Variants in ERICH3 observed in about 807,000 individuals in gnomAD.
ERICH3 encodes glutamate rich 3.
Under a neutral mutation model 131.1 loss-of-function variants are expected in ERICH3, and 126 were observed. The ratio of observed to expected loss-of-function variants is 0.96; its 90% CI spans 0.83 to 1.11. ERICH3 has a LOEUF of 1.11. ERICH3 is among the 50% of genes most tolerant of loss of function. ERICH3 has a pLI of 0.00. For synonymous variants in ERICH3, 695 were observed against 644.6 expected, an observed-to-expected ratio of 1.08 and a Z score of -1.18; for missense variants, 2,050 against 1,810.7, an observed-to-expected ratio of 1.13 and a Z score of -2.40.
chr1:74,668,028 C>T (rs896579708), intron 1 of ERICH3, among the ~76,000 whole-genome samples: 1 of 152,138 alleles, frequency 6.6e-6, no homozygotes, highest in Non-Finnish European at 1.5e-5. Context: ...TCCTTGCTTC[C>T]CCTTCACCTT....
rs762638364 is a variant in ERICH3 at position 74,571,612 on chromosome 1, G to T, written c.4098C>A (p.Ala1366=). ...CTTTATTTGCTATTGTTTTCTCCTCGGCTGTCTCCGAACCTGCCAACACCT... is the reference window on the plus strand; with the variant it reads ...CTTTATTTGCTATTGTTTTCTCCTCTGCTGTCTCCGAACCTGCCAACACCT... ...EREVLAGSET[A]EEKTIANKAS... is the part of the protein sequence containing the mutation. The change falls in exon 14 of 15, where the codon GCC becomes GCA. Residue 1366 remains alanine, a synonymous_variant. Coordinates refer to ENST00000326665, the MANE Select transcript of ERICH3 (RefSeq NM_001002912.5). The T allele has an allele frequency of 4.3e-5, 69 of 1,613,834 alleles. No individual in the cohort carries two copies. The highest frequency in any genetic ancestry group is 5.7e-5 in the Non-Finnish European group (67 of 1,179,984).
rs536744300 is a variant in ERICH3, at chr1:74,605,799, T to A, written c.1489+802A>T. Among the ~76,000 whole-genome samples, 56 of 151,920 alleles carry A rather than the reference T, an allele frequency of 3.7e-4. No individual in the cohort carries two copies. In the Middle Eastern group the frequency reaches 0.01, roughly 28 times the overall value. On this transcript the variant is annotated intron_variant, in intron 10 of 14. Coordinates refer to ENST00000326665, the MANE Select transcript of ERICH3 (RefSeq NM_001002912.5). ...ACAGATATCATAATAATGAAAAAGT[T>A]AGAAATATTGAGAAAATTTGAAACA...
At chr1:74,604,074 T>C (rs1287917648) in intron 10 of ERICH3, among the ~76,000 whole-genome samples, 3 of 151,970 alleles carry the variant, frequency 2.0e-5, no homozygotes, top group African/African-American at 4.8e-5. Flanking sequence ...CTGCCACTCC[T>C]TTATCAACTA....
At chr1:74,638,100 T>C (rs1466161093) in intron 5 of ERICH3, among the ~76,000 whole-genome samples, 2 of 152,110 alleles carry the variant, frequency 1.3e-5, no homozygotes, top group African/African-American at 4.8e-5. Context: ...TAAAGAATGG[T>C]GAACAACAAA....
intron 12 of ERICH3, among the ~76,000 whole-genome samples, chr1:74,581,467 G>A (rs902454948): frequency 1.3e-5 from 2 of 152,038 alleles, no homozygotes; most frequent in African/African-American, 4.8e-5. Flanking sequence ...ACTAATAATT[G>A]CAATTAATTA....
Position 74,611,017 on chromosome 1 carries a change from G to A in ERICH3, c.1187+1606C>T, listed in dbSNP as rs141541539. On this transcript the variant is annotated intron_variant, in intron 9 of 14. Coordinates refer to ENST00000326665, the MANE Select transcript of ERICH3 (RefSeq NM_001002912.5). ...ACCTCCCTCACCTTTTAAATGGAGTGACACTCATCACTCAGACATCTTCTC... is the reference window on the plus strand; with the variant it reads ...ACCTCCCTCACCTTTTAAATGGAGTAACACTCATCACTCAGACATCTTCTC... 6.6e-3 allele frequency among the ~76,000 whole-genome samples: 1,005 copies of A among 152,136 alleles called. 7 individuals carry two copies. The highest frequency in any genetic ancestry group is 0.027 in the Middle Eastern group (8 of 294).
intron 10 of ERICH3, among the ~76,000 whole-genome samples, chr1:74,604,637 C>T (rs190761762): frequency 1.3e-5 from 2 of 152,070 alleles, no homozygotes; most frequent in East Asian, 1.9e-4. Flanking sequence ...ACATCTTCAT[C>T]AAAGTTCTTG....
At position 74,573,201 on chromosome 1, in the gene ERICH3, T is replaced by G. The variant is rs1201876400; in HGVS notation, c.2509A>C (p.Arg837=). 1 of 1,612,582 alleles carries G rather than the reference T, an allele frequency of 6.2e-7. No homozygotes were observed. The change falls in exon 14 of 15, where the codon AGG becomes CGG. Residue 837 remains arginine, a synonymous_variant. Transcript: ENST00000326665. ...GCTTCTGCTGCTCCCTCTGCCCCCC[T>G]TTCTATGCCTGGAGGGATCTCCCTT... ...EKREIPPGIE[R]GAEGAAEAEG... is the part of the protein sequence containing the mutation.
intron 11 of ERICH3, among the ~76,000 whole-genome samples, chr1:74,595,150 A>G (rs1316600186): frequency 1.3e-5 from 2 of 151,894 alleles, no homozygotes; most frequent in Admixed American, 6.6e-5. Context: ...ATATCCTACT[A>G]TTAGTTGTAT....
chr1:74,591,660 T>G (rs977113579), intron 11 of ERICH3, among the ~76,000 whole-genome samples: 11 of 152,164 alleles, frequency 7.2e-5, no homozygotes, highest in Non-Finnish European at 1.0e-4. Context: ...AGCTGGTTTA[T>G]GTAATACCTA....
chr1:74,650,328 C>A (rs1557699935), intron 1 of ERICH3, among the ~76,000 whole-genome samples: 1 of 152,142 alleles, frequency 6.6e-6, no homozygotes, highest in African/African-American at 2.4e-5. Context: ...CAATCTAAGT[C>A]TGTATGTCAA....
chr1:74,651,692 C>T (rs530583535), intron 1 of ERICH3, among the ~76,000 whole-genome samples: 1 of 151,996 alleles, frequency 6.6e-6, no homozygotes, highest in African/African-American at 2.4e-5. Flanking sequence ...GTTTTTCAGG[C>T]TCAAGTTTTT....
At chr1:74,643,168 A>G in intron 3 of ERICH3, 70 bp from the exon 4 acceptor site, 1 of 1,172,244 alleles carries the variant, frequency 8.5e-7, no homozygotes, top group Non-Finnish European at 1.2e-6. Context: ...AGAGGAAAAT[A>G]ATTCCAACAG....
chr1:74,643,015 A>G lies in ERICH3; in HGVS notation c.315+12T>C, dbSNP rs780125858. Reference sequence around the variant, plus strand: ...ATACTATGAAGTAAAAGAGAGTTATATAACTCCTTACCTTAAACCTCTGGA... The same window carrying G: ...ATACTATGAAGTAAAAGAGAGTTATGTAACTCCTTACCTTAAACCTCTGGA... On this transcript the variant is annotated intron_variant, in intron 4 of 14. Coordinates refer to ENST00000326665, the MANE Select transcript of ERICH3 (RefSeq NM_001002912.5). The G allele has an allele frequency of 7.0e-6, 11 of 1,579,714 alleles. No individual in the cohort carries two copies. In the East Asian group the frequency reaches 9.0e-5, roughly 13 times the overall value.
At chr1:74,651,142 T>C (rs943284434) in intron 1 of ERICH3, among the ~76,000 whole-genome samples, 2 of 152,132 alleles carry the variant, frequency 1.3e-5, no homozygotes, top group Non-Finnish European at 2.9e-5. Context: ...GTAAATATCA[T>C]TAGCAACAAT....
At chr1:74,659,408 T>A (rs1050404345) in intron 1 of ERICH3, among the ~76,000 whole-genome samples, 3 of 152,182 alleles carry the variant, frequency 2.0e-5, no homozygotes, top group Non-Finnish European at 4.4e-5. Context: ...TGACACCCAC[T>A]GTCTTTTAAA....
intron 1 of ERICH3, among the ~76,000 whole-genome samples, chr1:74,661,271 T>C (rs1646638873): frequency 6.6e-6 from 1 of 152,174 alleles, no homozygotes; most frequent in Non-Finnish European, 1.5e-5. Context: ...TTCTACCATT[T>C]GTCAATGTCA....
chr1:74,575,775 T>C (rs1486201474), intron 13 of ERICH3, among the ~76,000 whole-genome samples: 2 of 152,226 alleles, frequency 1.3e-5, no homozygotes, highest in Non-Finnish European at 2.9e-5. Flanking sequence ...TAATATATTA[T>C]GCCTAAATTC....
intron 11 of ERICH3, among the ~76,000 whole-genome samples, chr1:74,595,019 C>CT (rs1647782103): frequency 6.6e-6 from 1 of 152,080 alleles, no homozygotes. Flanking sequence ...ATCCAATATG[C>CT]TTTTCAATTC....
Sources: gnomAD v4.1 joint callset for allele counts (sites outside exome capture counted in the v4.1 genomes callset) on GRCh38, gnomAD v4.1.1 for gene constraint, MANE v1.5 for transcripts, NCBI Gene and HGNC (gene_info 2026-07-23, HGNC 2026-07-21) for gene names.